The following CELF2 variants were observed in gnomAD, a reference collection of about 807,000 sequenced individuals.
The protein encoded by CELF2 is CUG triplet repeat RNA-binding protein 2.
Under a neutral mutation model 62.6 loss-of-function variants are expected in CELF2, and 8 were observed. The ratio of observed to expected loss-of-function variants is 0.13; its 90% CI spans 0.07 to 0.23. The LOEUF is 0.23. CELF2 is among the 10% of genes least tolerant of loss of function. The probability of loss-of-function intolerance (pLI) is 1.00; values close to 1 mark genes in which losing one functional copy is unlikely to be tolerated. For missense variants in CELF2, 333 were observed against 671.0 expected (o/e 0.50, Z 5.56); for synonymous variants, 258 against 250.0 (o/e 1.03, Z -0.30).
intron 1 of CELF2, among the ~76,000 whole-genome samples, chr10:10,799,283 C>G (rs2054398270): frequency 6.6e-6 from 1 of 151,872 alleles, no homozygotes; most frequent in African/African-American, 2.4e-5. Context: ...AGTTCGAGAC[C>G]AGCCTGGCCA....
intron 2 of CELF2, among the ~76,000 whole-genome samples, chr10:10,929,063 A>G (rs1194186147): frequency 6.6e-6 from 1 of 152,202 alleles, no homozygotes; most frequent in Admixed American, 6.5e-5. Flanking sequence ...GACAAGATGT[A>G]TGATTTCTGC....
At chr10:10,552,096 G>C in the CELF2 span, among the ~76,000 whole-genome samples, 5 of 152,304 alleles carry the variant, frequency 3.3e-5, no homozygotes, top group South Asian at 4.1e-4. Context: ...CAGACAAAGC[G>C]GTTGCCTTGT....
At chr10:10,492,883 A>G in the CELF2 span, among the ~76,000 whole-genome samples, 1 of 118,916 alleles carries the variant, frequency 8.4e-6, no homozygotes. Flanking sequence ...ATGAGAGCTG[A>G]TGGTTTGATA....
At chr10:10,932,473 CTATGTA>C (rs1337210366) in intron 2 of CELF2, among the ~76,000 whole-genome samples, 6 of 151,922 alleles carry the variant, frequency 3.9e-5, no homozygotes, top group East Asian at 1.9e-4. Flanking sequence ...ATTCCACAGT[CTATGTA>C]TATGTACATC....
At chr10:10,971,224 G>A (rs553686150) in intron 2 of CELF2, among the ~76,000 whole-genome samples, 5 of 152,176 alleles carry the variant, frequency 3.3e-5, no homozygotes, top group South Asian at 2.1e-4. Context: ...CTCCCAACTA[G>A]TGTGAAGCTC....
At chr10:11,147,364 A>G (rs2062464660) in intron 1 of CELF2, among the ~76,000 whole-genome samples, 1 of 152,178 alleles carries the variant, frequency 6.6e-6, no homozygotes, top group African/African-American at 2.4e-5. Context: ...GGACAAGTCA[A>G]ATGGGTCGCA....
rs373885896 is a variant in CELF2 at position 11,253,418 on chromosome 10, T to C, written c.403+4217T>C. ...GCAGAGGGTGCAGACCTGCAAAGCCTCCATTAAAAATAGGAATCATGGGGT... is the reference window on the plus strand; with the variant it reads ...GCAGAGGGTGCAGACCTGCAAAGCCCCCATTAAAAATAGGAATCATGGGGT... On this transcript the variant is annotated intron_variant, in intron 4 of 12. Transcript: ENST00000633077. 5.3e-5 allele frequency among the ~76,000 whole-genome samples: 8 copies of C among 152,168 alleles called. No homozygotes were observed. In the East Asian group the frequency reaches 5.8e-4, roughly 11 times the overall value.
At chr10:10,989,991 G>T (rs1370409256) in intron 2 of CELF2, among the ~76,000 whole-genome samples, 1 of 152,124 alleles carries the variant, frequency 6.6e-6, no homozygotes, top group African/African-American at 2.4e-5. Flanking sequence ...AGCCACTCTT[G>T]TATATGGGGG....
rs1001250545 is a variant in CELF2 at position 11,005,500 on chromosome 10, G to C, written c.53+60G>C. On this transcript the variant is annotated intron_variant, in intron 1 of 12. Coordinates refer to the CELF2 transcript ENST00000416382. The surrounding 1 kb of genome is among the most constrained non-coding windows in gnomAD (Gnocchi z 4.3). ...TTTTCTAGTTTCTAGAGCTGGCTGA[G>C]ACAATAATTATGCTCTGAATCAAGT... The C allele has an allele frequency of 1.7e-5, 27 of 1,613,244 alleles. No individual in the cohort carries two copies. The highest frequency in any genetic ancestry group is 2.2e-5 in the Non-Finnish European group (26 of 1,179,448).
At chr10:10,536,569 T>C in the CELF2 span, among the ~76,000 whole-genome samples, 63,453 of 152,040 alleles carry the variant, frequency 0.42, 13,921 homozygotes, top group South Asian at 0.54. Flanking sequence ...GACCTTATAG[T>C]TGTATTTAAC....
At chr10:11,188,813 GT>G (rs1017755899) in intron 2 of CELF2, among the ~76,000 whole-genome samples, 1 of 151,964 alleles carries the variant, frequency 6.6e-6, no homozygotes, top group African/African-American at 2.4e-5. Flanking sequence ...TCACTAATGT[GT>G]TTTTTTCTTC....
chr10:10,908,055 T>A (rs1378005653), intron 1 of CELF2, among the ~76,000 whole-genome samples: 1 of 152,058 alleles, frequency 6.6e-6, no homozygotes, highest in Admixed American at 6.6e-5. Flanking sequence ...TCAAGTTCTG[T>A]TTCTGCCCAT....
the CELF2 span, among the ~76,000 whole-genome samples, chr10:10,640,678 A>T: frequency 6.6e-6 from 1 of 152,336 alleles, no homozygotes; most frequent in South Asian, 2.1e-4. Context: ...TGTTGGATGG[A>T]TGGATGGACA....
the CELF2 span, among the ~76,000 whole-genome samples, chr10:10,707,115 G>C: frequency 6.6e-6 from 1 of 152,172 alleles, no homozygotes. Flanking sequence ...TTCCTTCAAT[G>C]TATCAATCTG....
At chr10:11,222,860 G>A (rs542429417) in intron 3 of CELF2, among the ~76,000 whole-genome samples, 3 of 152,330 alleles carry the variant, frequency 2.0e-5, no homozygotes, top group South Asian at 2.1e-4. Context: ...GTTATCACAT[G>A]TATGTGTGTT....
intron 12 of CELF2, among the ~76,000 whole-genome samples, chr10:11,326,602 G>A (rs1396706460): frequency 1.2e-4 from 19 of 152,144 alleles, no homozygotes; most frequent in Admixed American, 1.0e-3. Flanking sequence ...GGTGTTTTTC[G>A]CTCCCTTAGG....
At chr10:10,822,158 G>C (rs1332345730) in intron 1 of CELF2, among the ~76,000 whole-genome samples, 1 of 152,228 alleles carries the variant, frequency 6.6e-6, no homozygotes, top group Non-Finnish European at 1.5e-5. Flanking sequence ...TTCCTCTGCA[G>C]CTGCGATGCA....
chr10:10,954,926 C>T (rs1033070717), intron 2 of CELF2, among the ~76,000 whole-genome samples: 1 of 152,152 alleles, frequency 6.6e-6, no homozygotes, highest in Non-Finnish European at 1.5e-5. Context: ...ATGCATTTAT[C>T]GTTTTAAAAA....
At chr10:11,129,525 G>T (rs1035499340) in intron 1 of CELF2, among the ~76,000 whole-genome samples, 2 of 152,072 alleles carry the variant, frequency 1.3e-5, no homozygotes, top group Non-Finnish European at 2.9e-5. Context: ...TTTTTGGTTG[G>T]TAGGCTATTA....
Sources: gnomAD v4.1 joint callset for allele counts (sites outside exome capture counted in the v4.1 genomes callset) on GRCh38, gnomAD v4.1.1 for gene constraint, Gnocchi (gnomAD v3.1) non-coding constraint, MANE v1.5 for transcripts, NCBI Gene and HGNC (gene_info 2026-07-23, HGNC 2026-07-21) for gene names.